Variants in SDC2 observed in about 807,000 individuals in gnomAD.
SDC2 encodes the protein syndecan 2.
Under a neutral mutation model 22.2 loss-of-function variants are expected in SDC2, and 13 were observed. That is an observed-to-expected ratio of 0.59 (90% CI 0.38 to 0.93). The LOEUF (loss-of-function observed/expected upper bound fraction) is 0.93, where lower values mean the gene tolerates loss of function less well. SDC2 is among the 40% of genes least tolerant of loss of function. SDC2 has a pLI of 0.00. For missense variants in SDC2, 235 were observed against 246.8 expected, an observed-to-expected ratio of 0.95 and a Z score of 0.32; for synonymous variants, 94 against 92.8, an observed-to-expected ratio of 1.01 and a Z score of -0.07.
At chr8:96,562,643 A>G (rs1361382673) in intron 1 of SDC2, among the ~76,000 whole-genome samples, 1 of 152,192 alleles carries the variant, frequency 6.6e-6, no homozygotes, top group African/African-American at 2.4e-5. Flanking sequence ...TTACAGCAAA[A>G]TTTTGTATAG....
intron 4 of SDC2, 52 bp downstream of exon 4, chr8:96,608,522 T>C (rs1815122992): frequency 1.3e-6 from 2 of 1,516,608 alleles, no homozygotes; most frequent in Admixed American, 2.0e-5. Context: ...AGGCCTCTGT[T>C]AGTCTAAGTG....
At chr8:96,535,741 C>T (rs1813744355) in intron 1 of SDC2, among the ~76,000 whole-genome samples, 1 of 152,206 alleles carries the variant, frequency 6.6e-6, no homozygotes, top group African/African-American at 2.4e-5. Flanking sequence ...TGCTATTCCA[C>T]CTCCGTTCAA....
chr8:96,517,921 T>G (rs1163398792), intron 1 of SDC2, among the ~76,000 whole-genome samples: 1 of 152,128 alleles, frequency 6.6e-6, no homozygotes, highest in African/African-American at 2.4e-5. Context: ...CCAGGAGACT[T>G]GACCATGAAG....
intron 1 of SDC2, among the ~76,000 whole-genome samples, chr8:96,545,324 T>C (rs933577666): frequency 6.6e-6 from 1 of 152,210 alleles, no homozygotes; most frequent in Non-Finnish European, 1.5e-5. Flanking sequence ...CCTGTAGATA[T>C]GGGACTGGCC....
At position 96,508,821 on chromosome 8, in the gene SDC2, G is replaced by A. The variant is rs145649086; in HGVS notation, c.60+14490G>A. 7.0e-5 allele frequency among the ~76,000 whole-genome samples: 10 copies of A among 142,180 alleles called. No homozygotes were observed. In the East Asian group the frequency reaches 2.0e-3, roughly 28 times the overall value. 93.3% of individuals were successfully genotyped at this position (142,180 alleles called of 152,430 possible). ...TACTGTAATCTTTCAAGAGAGCAGT[G>A]AAAGTGTCTAACTGTATCACCAACT... On this transcript the variant is annotated intron_variant, in intron 1 of 4. Transcript: ENST00000302190.
chr8:96,494,275 C>T lies in SDC2; in HGVS notation c.4C>T (p.Arg2Trp), dbSNP rs202050129. The T allele has an allele frequency of 6.5e-7, 1 of 1,545,216 alleles. No individual in the cohort carries two copies. Among genetic ancestry groups the T allele is most frequent in the Non-Finnish European group, 8.7e-7 (1 of 1,148,678 alleles). ...GAGCAGCCGGTCCCTGGGGAATATGCGGCGCGCGTGGATCCTGCTCACCTT... is the reference window on the plus strand; with the variant it reads ...GAGCAGCCGGTCCCTGGGGAATATGTGGCGCGCGTGGATCCTGCTCACCTT... M[R>W]RAWILLTLGL... The change falls in exon 1 of 5, where the codon CGG (arginine) becomes TGG (tryptophan). Residue 2 changes from arginine (R) to tryptophan (W), a missense_variant. Physicochemically the swap from Arg to Trp is moderately radical, Grantham distance 101. Transcript: ENST00000302190.
At chr8:96,532,508 T>C (rs1436122510) in intron 1 of SDC2, among the ~76,000 whole-genome samples, 1 of 150,436 alleles carries the variant, frequency 6.6e-6, no homozygotes, top group African/African-American at 2.4e-5. Context: ...TTTTTTCCCT[T>C]AGTTAACGTT....
At chr8:96,581,399 C>T (rs1481531027) in intron 1 of SDC2, among the ~76,000 whole-genome samples, 1 of 152,084 alleles carries the variant, frequency 6.6e-6, no homozygotes, top group African/African-American at 2.4e-5. Flanking sequence ...GAGGCTGAGG[C>T]GGGCAGATCA....
intron 1 of SDC2, among the ~76,000 whole-genome samples, chr8:96,513,048 A>G (rs1813351993): frequency 6.6e-6 from 1 of 152,154 alleles, no homozygotes; most frequent in Non-Finnish European, 1.5e-5. Context: ...AAAGGATTTG[A>G]GGTAATTTCC....
At chr8:96,528,378 C>T (rs187209320) in intron 1 of SDC2, among the ~76,000 whole-genome samples, 2 of 151,886 alleles carry the variant, frequency 1.3e-5, no homozygotes, top group South Asian at 2.1e-4. Flanking sequence ...ATCACTAGAA[C>T]AGAAAAATGT....
At chr8:96,571,254 AATGAGAG>A (rs1814389002) in intron 1 of SDC2, among the ~76,000 whole-genome samples, 1 of 152,206 alleles carries the variant, frequency 6.6e-6, no homozygotes, top group East Asian at 1.9e-4. Context: ...TGTCCTATGA[AATGAGAG>A]GGAACTGACC....
At chr8:96,584,124 G>T (rs1204796562) in intron 1 of SDC2, among the ~76,000 whole-genome samples, 2 of 152,198 alleles carry the variant, frequency 1.3e-5, no homozygotes. Flanking sequence ...CTTTTTACAG[G>T]CCAGCAGCAG....
Position 96,570,459 on chromosome 8 carries a change from C to A in SDC2, c.61-23021C>A, listed in dbSNP as rs539577255. Among the ~76,000 whole-genome samples the A allele has an allele frequency of 2.6e-5, 4 of 152,318 alleles. No individual in the cohort carries two copies. In the South Asian group the frequency reaches 8.3e-4, roughly 32 times the overall value. ...ACAAAAAACAAAAAACCCAAAGACA[C>A]AGGTCCTGCCCTTGGGGAACTCATA... is the stretch of plus-strand genomic sequence containing the variant. On this transcript the variant is annotated intron_variant, in intron 1 of 4. Transcript: ENST00000302190.
intron 1 of SDC2, among the ~76,000 whole-genome samples, chr8:96,548,987 G>A (rs1311228453): frequency 6.6e-6 from 1 of 152,170 alleles, no homozygotes; most frequent in African/African-American, 2.4e-5. Context: ...CGATTTTGCA[G>A]CATAATGTTG....
At chr8:96,540,340 G>GTATATGTGTATATATATATATA (rs1813825929) in intron 1 of SDC2, among the ~76,000 whole-genome samples, 1 of 123,668 alleles carries the variant, frequency 8.1e-6, no homozygotes, top group African/African-American at 3.0e-5. Context: ...ATATATATGT[G>GTATATGTGTATATATATATATA]TATATATATA....
At chr8:96,534,137 C>A (rs888829879) in intron 1 of SDC2, among the ~76,000 whole-genome samples, 1 of 152,238 alleles carries the variant, frequency 6.6e-6, no homozygotes, top group African/African-American at 2.4e-5. Context: ...CCACCTGGAA[C>A]TCACTCTGAC....
intron 1 of SDC2, among the ~76,000 whole-genome samples, chr8:96,547,355 C>T (rs1311618950): frequency 6.6e-6 from 1 of 152,170 alleles, no homozygotes; most frequent in Non-Finnish European, 1.5e-5. Context: ...ACAGTGTGAG[C>T]CACAGTCAGT....
intron 3 of SDC2, among the ~76,000 whole-genome samples, chr8:96,603,211 G>A (rs1815022614): frequency 6.6e-6 from 1 of 152,108 alleles, no homozygotes; most frequent in South Asian, 2.1e-4. Flanking sequence ...TTAAAGTCTG[G>A]CAAAGACCTA....
At chr8:96,561,480 G>A (rs376263933) in intron 1 of SDC2, among the ~76,000 whole-genome samples, 1 of 152,154 alleles carries the variant, frequency 6.6e-6, no homozygotes, top group East Asian at 1.9e-4. Context: ...ATTCCCAAAG[G>A]CCCTAGGGGA....
Sources: allele counts gnomAD v4.1 joint callset (sites outside exome capture counted in the v4.1 genomes callset), GRCh38; gene constraint gnomAD v4.1.1; transcripts MANE v1.5; gene names NCBI Gene and HGNC (gene_info 2026-07-23, HGNC 2026-07-21).